LGR6: variants seen among roughly 807,000 people sequenced by gnomAD.
LGR6 encodes the protein leucine-rich repeat-containing G protein-coupled receptor 6.
LGR6 carries 45 observed loss-of-function variants against 69.4 expected under a neutral mutation model. The observed-to-expected ratio is 0.65, with a 90% confidence interval of 0.51 to 0.83. The LOEUF is 0.83. Ranked by LOEUF, LGR6 falls within the 40% of genes least tolerant of loss-of-function variation. LGR6 has a pLI of 0.00. For missense variants in LGR6, 1,108 were observed against 1,246.7 expected (o/e 0.89, Z 1.68); for synonymous variants, 538 against 555.0 (o/e 0.97, Z 0.43).
rs190144569 is a variant in LGR6 at position 202,236,044 on chromosome 1, G to A, written c.428+51G>A. 190 of 1,512,006 alleles carry A rather than the reference G, an allele frequency of 1.3e-4. No homozygotes were observed. In the Admixed American group the frequency reaches 3.1e-3, roughly 25 times the overall value. The allele number at this position is 1,512,006 out of a possible 1,614,324, so 93.7% of individuals were successfully genotyped here. A position where few individuals can be genotyped will look rare whatever the true frequency, so the allele number is the denominator to read the frequency against. ...GAGTCACCAGCTTCCTGGGGCCTGA[G>A]TCACAGCCCAGGGCCCCCTGCCTCA... On this transcript the variant is annotated intron_variant, in intron 4 of 17. Coordinates refer to ENST00000367278, the MANE Select transcript of LGR6 (RefSeq NM_001017403.2).
intron 3 of LGR6, among the ~76,000 whole-genome samples, chr1:202,231,157 G>A (rs997565365): frequency 5.9e-5 from 9 of 152,186 alleles, no homozygotes; most frequent in Admixed American, 3.9e-4. Context: ...GACCCATCCC[G>A]GAGGAAATCT....
chr1:202,226,502 C>T (rs1430234776), intron 2 of LGR6, among the ~76,000 whole-genome samples: 5 of 152,218 alleles, frequency 3.3e-5, no homozygotes, highest in African/African-American at 7.2e-5. Flanking sequence ...ACCTTGCCAC[C>T]GTGACCCTAG....
chr1:202,251,030 G>A lies in LGR6; in HGVS notation c.428+15037G>A, dbSNP rs78785692. On this transcript the variant is annotated intron_variant, in intron 4 of 17. Coordinates refer to ENST00000367278, the MANE Select transcript of LGR6 (RefSeq NM_001017403.2). Reference sequence around the variant, plus strand: ...AGGGCCCTGCCCGCTCTCTGCTGTCGTGTTTCGGGGAGGTGGCATAGCAGA... The same window carrying A: ...AGGGCCCTGCCCGCTCTCTGCTGTCATGTTTCGGGGAGGTGGCATAGCAGA... 3.9e-3 allele frequency among the ~76,000 whole-genome samples: 589 copies of A among 152,304 alleles called. 2 individuals are homozygous for A. Among genetic ancestry groups the A allele is most frequent in the African/African-American group, 0.014 (564 of 41,554 alleles).
intron 7 of LGR6, 52 bp downstream of exon 7, chr1:202,297,628 G>C (rs746360847): frequency 1.1e-4 from 158 of 1,461,130 alleles, no homozygotes; most frequent in Middle Eastern, 3.7e-4. Context: ...AAGGGCAGGG[G>C]CTGAAGCCAG....
At chr1:202,315,171 A>G (rs1025502844) in intron 17 of LGR6, among the ~76,000 whole-genome samples, 2 of 152,216 alleles carry the variant, frequency 1.3e-5, no homozygotes, top group Non-Finnish European at 2.9e-5. Flanking sequence ...GAGAAGCAGG[A>G]AAGAATGCCT....
intron 1 of LGR6, among the ~76,000 whole-genome samples, chr1:202,219,493 G>A (rs1168906347): frequency 2.0e-5 from 3 of 152,222 alleles, no homozygotes; most frequent in Non-Finnish European, 2.9e-5. Flanking sequence ...AACAGGGAGC[G>A]CTGTGAGCAA....
chr1:202,222,986 A>C (rs1346890945), intron 1 of LGR6, among the ~76,000 whole-genome samples: 2 of 152,146 alleles, frequency 1.3e-5, no homozygotes, highest in Non-Finnish European at 2.9e-5. Flanking sequence ...CCATAATCCC[A>C]GCTACTCAGG....
chr1:202,242,655 G>C lies in LGR6; in HGVS notation c.428+6662G>C, dbSNP rs188757265. 2.2e-4 allele frequency among the ~76,000 whole-genome samples: 33 copies of C among 152,256 alleles called. 1 individual carries two copies. Among genetic ancestry groups the C allele is most frequent in the Admixed American group, 1.2e-3 (18 of 15,288 alleles). On this transcript the variant is annotated intron_variant, in intron 4 of 17. Transcript: ENST00000367278. ...TTTTTTGAACCCTTCCAGTCTCCTG[G>C]GAATGCTGTGAGTTGAGATGAGGAG...
At chr1:202,226,930 A>T (rs1660599305) in intron 2 of LGR6, among the ~76,000 whole-genome samples, 3 of 152,218 alleles carry the variant, frequency 2.0e-5, no homozygotes, top group African/African-American at 7.2e-5. Flanking sequence ...AAGCAAGAGC[A>T]AAGGCCAAGG....
intron 2 of LGR6, among the ~76,000 whole-genome samples, chr1:202,227,001 C>A (rs912569398): frequency 6.6e-6 from 1 of 152,154 alleles, no homozygotes; most frequent in Non-Finnish European, 1.5e-5. Context: ...CCGTCTCCCA[C>A]GACCTGAGAG....
intron 1 of LGR6, chr1:202,214,172 G>C (rs1450867963): frequency 2.6e-6 from 4 of 1,527,010 alleles, no homozygotes; most frequent in Non-Finnish European, 3.5e-6. Context: ...TGGAGGGAGA[G>C]GGCCGCTCAG....
At chr1:202,207,425 G>A (rs1258073248) in intron 1 of LGR6, among the ~76,000 whole-genome samples, 3 of 152,170 alleles carry the variant, frequency 2.0e-5, no homozygotes, top group Non-Finnish European at 4.4e-5. Context: ...CATCTGCAGG[G>A]GCCAGGGACT....
At chr1:202,224,531 G>T (rs777679766) in intron 1 of LGR6, among the ~76,000 whole-genome samples, 3 of 152,206 alleles carry the variant, frequency 2.0e-5, no homozygotes, top group African/African-American at 4.8e-5. Flanking sequence ...TTTCATGGAA[G>T]ATAATTTTTT....
At chr1:202,302,708 G>T (rs969308570) in intron 9 of LGR6, among the ~76,000 whole-genome samples, 1 of 152,042 alleles carries the variant, frequency 6.6e-6, no homozygotes, top group Non-Finnish European at 1.5e-5. Flanking sequence ...CACCACGCCC[G>T]ACTGCTTTTT....
chr1:202,298,569 T>C (rs1197292863), intron 7 of LGR6: 1 of 150,914 alleles, frequency 6.6e-6, no homozygotes, highest in Non-Finnish European at 1.5e-5. Flanking sequence ...GTCGCCATGC[T>C]GGAGTGCAGT....
At chr1:202,270,925 T>C (rs1380225696) in intron 4 of LGR6, among the ~76,000 whole-genome samples, 1 of 151,620 alleles carries the variant, frequency 6.6e-6, no homozygotes, top group Non-Finnish European at 1.5e-5. Flanking sequence ...GCTGGGGGAG[T>C]ATGAGAAGCA....
chr1:202,312,651 TA>T (rs922753715), intron 16 of LGR6, among the ~76,000 whole-genome samples: 2 of 152,194 alleles, frequency 1.3e-5, no homozygotes, highest in African/African-American at 2.4e-5. Context: ...TGCTGTCTCT[TA>T]AACCTGAAGA....
intron 6 of LGR6, 85 bp from the exon 7 acceptor site, chr1:202,297,423 C>A: frequency 1.8e-6 from 2 of 1,134,210 alleles, no homozygotes; most frequent in African/African-American, 1.6e-5. Context: ...CCTGGCCAAG[C>A]CCAGAGCCAA....
intron 12 of LGR6, 39 bp from the exon 13 acceptor site, chr1:202,306,829 T>C: frequency 1.3e-6 from 2 of 1,598,532 alleles, no homozygotes; most frequent in Non-Finnish European, 1.7e-6. Flanking sequence ...AGCCAGGGTC[T>C]GAGCCTGCCG....
Sources: allele counts gnomAD v4.1 joint callset (sites outside exome capture counted in the v4.1 genomes callset), GRCh38; gene constraint gnomAD v4.1.1; transcripts MANE v1.5; gene names NCBI Gene and HGNC (gene_info 2026-07-23, HGNC 2026-07-21).